Variants in TBX6 observed in about 807,000 individuals in gnomAD.
TBX6 encodes T-box transcription factor TBX6.
A neutral mutation model predicts 42.3 loss-of-function variants in TBX6; 29 were observed. That is an observed-to-expected ratio of 0.69 (90% CI 0.51 to 0.93). TBX6 has a LOEUF of 0.93. Ranked by LOEUF, TBX6 falls within the 40% of genes least tolerant of loss-of-function variation. The pLI, the probability that TBX6 is intolerant of heterozygous loss-of-function variation, is 0.00. For synonymous variants in TBX6, 249 were observed against 245.1 expected, an observed-to-expected ratio of 1.02 and a Z score of -0.15; for missense variants, 569 against 603.3, an observed-to-expected ratio of 0.94 and a Z score of 0.59.
intron 6 of TBX6, among the ~76,000 whole-genome samples, chr16:30,087,115 G>T (rs2072647263): frequency 6.6e-6 from 1 of 152,132 alleles, no homozygotes; most frequent in South Asian, 2.1e-4. Flanking sequence ...CCAGTGGCAA[G>T]GCCAGGGCAC....
intron 3 of TBX6, among the ~76,000 whole-genome samples, chr16:30,089,947 A>G (rs1391223911): frequency 6.6e-6 from 1 of 151,776 alleles, no homozygotes; most frequent in Non-Finnish European, 1.5e-5. Context: ...AAAAAAAAAA[A>G]AAAAAAAAGA....
Position 30,088,881 on chromosome 16 carries a change from C to T in TBX6, c.622-42G>A, listed in dbSNP as rs1274151487. On this transcript the variant is annotated intron_variant, in intron 4 of 8. Coordinates refer to ENST00000395224, the MANE Select transcript of TBX6 (RefSeq NM_004608.4). The surrounding 1 kb of genome is among the most constrained non-coding windows in gnomAD (Gnocchi z 4.1). ...GGGAGTGATTCCCTGCCCTGCGCCT[C>T]ACCCTTGGCCTCCCTTCCAGCACCC... is the stretch of plus-strand genomic sequence containing the variant. 6.2e-7 allele frequency: 1 copy of T among 1,605,672 alleles called. No individual in the cohort carries two copies. The highest frequency in any genetic ancestry group is 2.2e-5 in the East Asian group (1 of 44,700).
At chr16:30,089,445 G>A (rs2072690646) in intron 3 of TBX6, among the ~76,000 whole-genome samples, 1 of 152,060 alleles carries the variant, frequency 6.6e-6, no homozygotes, top group African/African-American at 2.4e-5. Context: ...ACCAGCCTGG[G>A]CAACATAGAA....
At chr16:30,090,608 G>T in intron 3 of TBX6, 150 bp downstream of exon 3, 1 of 777,056 alleles carries the variant, frequency 1.3e-6, no homozygotes, top group Non-Finnish European at 2.0e-6. Flanking sequence ...TCCTGCCACA[G>T]AGTAACCCTT....
In TBX6 at chr16:30,086,438, C is replaced by G; in HGVS notation, c.1098G>C (p.Arg366Ser). ...FHGAPSHLPT[R>S]SPSFPEAPDS... ...CTGGAGCCTCCGGGAAGCTGGGGCT[C>G]CTGACATGGAGAGAGGGATGTCAGA... Residue 366 changes from arginine to serine, a missense_variant and splice_region_variant, in exon 9 of 9, where the codon AGG becomes AGC. By Grantham distance (110) the Arg-to-Ser change is moderately radical (BLOSUM62 -1). Around this residue, in one of 3 missense-constraint regions of TBX6, gnomAD observed 245 missense variants for 227.4 expected, o/e 1.08. Coordinates refer to ENST00000395224, the MANE Select transcript of TBX6 (RefSeq NM_004608.4). The surrounding 1 kb of genome is among the most constrained non-coding windows in gnomAD (Gnocchi z 4.6). 6.6e-7 allele frequency: 1 copy of G among 1,510,630 alleles called. No individual in the cohort carries two copies. The highest frequency in any genetic ancestry group is 8.8e-7 in the Non-Finnish European group (1 of 1,134,484). The allele number at this position is 1,510,630 out of a possible 1,614,324, so 93.6% of individuals were successfully genotyped here.
In TBX6 at chr16:30,089,167, G is replaced by T. The variant is rs761910961; in HGVS notation, c.397C>A (p.Pro133Thr). 2.5e-6 allele frequency: 4 copies of T among 1,614,018 alleles called. No homozygotes were observed. Among genetic ancestry groups the T allele is most frequent in the Non-Finnish European group, 3.4e-6 (4 of 1,179,988 alleles). ...AGAAGAAACAAGTAGCGGGCCTCGG[G>T]GTCCAGGCCAGTGACTGACACTCGG... ...ACRVSVTGLDPEARYLFLLDV... is the reference protein window; with the variant it reads ...ACRVSVTGLDTEARYLFLLDV... The change falls in exon 4 of 9, where the codon CCC (proline) becomes ACC (threonine). Residue 133 changes from proline (P) to threonine (T), a missense_variant. This residue lies in a region of TBX6 where 190 missense variants were observed against 250.6 expected (regional missense o/e 0.76). Coordinates refer to ENST00000395224, the MANE Select transcript of TBX6 (RefSeq NM_004608.4).
Position 30,091,116 on chromosome 16 carries a change from GGAGTC to G in TBX6, c.73_77del (p.Asp25GlnfsTer19). On this transcript the variant is annotated frameshift_variant, in exon 2 of 9. Transcript: ENST00000395224. LOFTEE classifies it high-confidence loss of function. ...CCTCCGCTAGGGCGGGTGGGAAGCT[GGAGTC>G]GGCCCCAGGTTGGGCGGGCCCCAGG... 1 of 1,588,260 alleles carries G rather than the reference GGAGTC, an allele frequency of 6.3e-7. No homozygotes were observed. Among genetic ancestry groups the G allele is most frequent in the Non-Finnish European group, 8.6e-7 (1 of 1,168,636 alleles).
Position 30,086,701 on chromosome 16 carries a change from G to T in TBX6, c.914-6C>A, listed in dbSNP as rs200310768. On this transcript the variant is annotated splice_polypyrimidine_tract_variant and splice_region_variant and intron_variant, in intron 7 of 8. Transcript: ENST00000395224. This position sits in a 1 kb window ranked among gnomAD's most constrained non-coding sequence, Gnocchi z 4.6. ...GCAGGGACCACCTGGTGTGTCTGGG[G>T]AGAGGGAAGGGAGAGGTTGGGCTAG... The T allele has an allele frequency of 1.2e-6, 2 of 1,612,556 alleles. No individual in the cohort carries two copies. The highest frequency in any genetic ancestry group is 2.7e-5 in the African/African-American group (2 of 74,830).
In TBX6 at chr16:30,088,322, A is replaced by T. The variant is rs1026018588; in HGVS notation, c.839+223T>A. ...TTGTCTACTCTCCCCACTAGAAATCAGCTGCATGAGGGCCGGGGCTTTGGT... is the reference window on the plus strand; with the variant it reads ...TTGTCTACTCTCCCCACTAGAAATCTGCTGCATGAGGGCCGGGGCTTTGGT... On this transcript the variant is annotated intron_variant, in intron 6 of 8. Transcript: ENST00000395224. The surrounding 1 kb of genome is among the most constrained non-coding windows in gnomAD (Gnocchi z 4.1). The T allele has an allele frequency of 4.9e-6, 3 of 613,648 alleles. No homozygotes were observed. Among genetic ancestry groups the T allele is most frequent in the Admixed American group, 2.7e-5 (1 of 36,426 alleles). The allele number at this position is 613,648 out of a possible 1,614,324, so 38.0% of individuals were successfully genotyped here.
intron 3 of TBX6, among the ~76,000 whole-genome samples, chr16:30,089,650 G>T (rs1489559288): frequency 1.3e-5 from 2 of 151,440 alleles, no homozygotes; most frequent in Non-Finnish European, 1.5e-5. Flanking sequence ...AATGAAAAAG[G>T]GCCAGGCGCA....
At position 30,090,937 on chromosome 16, in the gene TBX6, G is replaced by A; in HGVS notation, c.174C>T (p.Arg58=). Residue 58 remains arginine, a synonymous_variant, in exon 3 of 9, where the codon CGC becomes CGT. Coordinates refer to ENST00000395224, the MANE Select transcript of TBX6 (RefSeq NM_004608.4). ...GCAGAGGTGGGTGCGCGGCCAGGGT[G>A]CGGGGAGCAGCCTCCATCCCGGAGA... The part of the protein sequence containing the change: ...CFLSGMEAAP[R]TLAAHPPLPL... 6.2e-7 allele frequency: 1 copy of A among 1,613,216 alleles called. No homozygotes were observed. Among genetic ancestry groups the A allele is most frequent in the Admixed American group, 1.7e-5 (1 of 59,986 alleles).
rs1185494063 is a variant in TBX6, at chr16:30,090,972, C to A, written c.139G>T (p.Asp47Tyr). ...RYPELDTPKL[D>Y]CFLSGMEAAP... ...GCCTCCATCCCGGAGAGGAAGCAATCCAGTTTAGGGGTGTCCAGTTCTGGA... is the reference window on the plus strand; with the variant it reads ...GCCTCCATCCCGGAGAGGAAGCAATACAGTTTAGGGGTGTCCAGTTCTGGA... Residue 47 changes from aspartate (D) to tyrosine (Y), a missense_variant, in exon 3 of 9, where the codon GAT becomes TAT. Transcript: ENST00000395224. 1 of 1,613,486 alleles carries A rather than the reference C, an allele frequency of 6.2e-7. No individual in the cohort carries two copies.
chr16:30,089,844 C>T (rs1039744564), intron 3 of TBX6, among the ~76,000 whole-genome samples: 2 of 148,286 alleles, frequency 1.3e-5, no homozygotes, highest in Admixed American at 6.9e-5. Context: ...GCAGGAGAAT[C>T]GCTTGAATCC....
In TBX6 at chr16:30,086,245, C is replaced by T. The variant is rs772698551; in HGVS notation, c.1291G>A (p.Gly431Ser). ...GTGGTTCAGTACATGGGTTTGGAGC[C>T]CACATCCAGATAGCCCCCAGGCGCG... The part of the protein sequence containing the change: ...YTAPGGYLDV[G>S]SKPMY Residue 431 changes from glycine (G) to serine (S), a missense_variant, in exon 9 of 9, where the codon GGC becomes AGC. Gly to Ser is a moderately conservative substitution (Grantham distance 56, BLOSUM62 0). Around this residue, in one of 3 missense-constraint regions of TBX6, gnomAD observed 245 missense variants for 227.4 expected, o/e 1.08. Transcript: ENST00000395224. The surrounding 1 kb of genome is among the most constrained non-coding windows in gnomAD (Gnocchi z 4.6). The T allele has an allele frequency of 2.7e-5, 43 of 1,611,718 alleles. No homozygotes were observed. The highest frequency in any genetic ancestry group is 2.2e-5 in the Non-Finnish European group (26 of 1,179,648).
At chr16:30,087,818 C>G (rs2072658881) in intron 6 of TBX6, 1 of 152,272 alleles carries the variant, frequency 6.6e-6, no homozygotes, top group South Asian at 2.1e-4. Context: ...TGAGGCCTTT[C>G]CAGGCCTCTT....
rs1276119496 is a variant in TBX6 at position 30,086,752 on chromosome 16, C to T, written c.913+26G>A. 2 of 1,613,528 alleles carry T rather than the reference C, an allele frequency of 1.2e-6. No homozygotes were observed. Reference sequence around the variant, plus strand: ...GGAGGATCCCTGTCTCAGGCCTGGCCCCATCGCCATCGGGACTACACTCAC... The same window carrying T: ...GGAGGATCCCTGTCTCAGGCCTGGCTCCATCGCCATCGGGACTACACTCAC... On this transcript the variant is annotated intron_variant, in intron 7 of 8. Coordinates refer to ENST00000395224, the MANE Select transcript of TBX6 (RefSeq NM_004608.4). This position sits in a 1 kb window ranked among gnomAD's most constrained non-coding sequence, Gnocchi z 4.6.
intron 6 of TBX6, chr16:30,087,941 T>TC (rs1324036012): frequency 1.9e-4 from 27 of 145,186 alleles, no homozygotes; most frequent in Non-Finnish European, 2.9e-4. Context: ...TTTCTTTCTT[T>TC]TTTTTTTTTT....
chr16:30,087,166 A>G (rs1043539487), intron 6 of TBX6, among the ~76,000 whole-genome samples: 1 of 152,082 alleles, frequency 6.6e-6, no homozygotes, highest in African/African-American at 2.4e-5. Context: ...CTCCACTCTC[A>G]GCCTCTCTCT....
At chr16:30,087,014 AAT>A (rs1213635477) in intron 6 of TBX6, 163 bp from the exon 7 acceptor site, 1 of 769,020 alleles carries the variant, frequency 1.3e-6, no homozygotes, top group East Asian at 2.7e-5. Flanking sequence ...CAGAAAATTA[AAT>A]AACTAGAAAG....
Sources: allele counts gnomAD v4.1 joint callset (sites outside exome capture counted in the v4.1 genomes callset), GRCh38; gene constraint gnomAD v4.1.1; regional missense constraint gnomAD v4.1.1; non-coding constraint Gnocchi (gnomAD v3.1); transcripts MANE v1.5; gene names NCBI Gene and HGNC (gene_info 2026-07-23, HGNC 2026-07-21).